SORCS3: variants seen among roughly 807,000 people sequenced by gnomAD.
The protein encoded by SORCS3 is sortilin related VPS10 domain containing receptor 3, also known as VPS10 domain-containing receptor SorCS3.
SORCS3 carries 57 observed loss-of-function variants against 146.3 expected under a neutral mutation model. The ratio of observed to expected loss-of-function variants is 0.39; its 90% CI spans 0.31 to 0.49. SORCS3 has a LOEUF of 0.49. Among genes scored for constraint, SORCS3 ranks in the 20% least tolerant of loss-of-function variants. The pLI is 0.92. For missense variants in SORCS3, 1,341 were observed against 1,575.5 expected, an observed-to-expected ratio of 0.85 and a Z score of 2.52; for synonymous variants, 653 against 618.5, an observed-to-expected ratio of 1.06 and a Z score of -0.83.
At chr10:104,897,944 A>C (rs533396356) in intron 2 of SORCS3, among the ~76,000 whole-genome samples, 1 of 152,294 alleles carries the variant, frequency 6.6e-6, no homozygotes, top group South Asian at 2.1e-4. Flanking sequence ...CATTCATTCT[A>C]GTGGAGGTGG....
At chr10:104,648,442 T>C (rs1411971711) in intron 1 of SORCS3, among the ~76,000 whole-genome samples, 2 of 152,164 alleles carry the variant, frequency 1.3e-5, no homozygotes, top group African/African-American at 2.4e-5. Flanking sequence ...ATTTTATAGG[T>C]AGGATAGATT....
intron 14 of SORCS3, among the ~76,000 whole-genome samples, chr10:105,196,082 A>G (rs2056542479): frequency 6.6e-6 from 1 of 152,194 alleles, no homozygotes; most frequent in East Asian, 1.9e-4. Context: ...CTGAGCACCT[A>G]TTCTTGTGTT....
intron 1 of SORCS3, among the ~76,000 whole-genome samples, chr10:104,819,144 A>G (rs576028955): frequency 2.0e-5 from 3 of 152,090 alleles, no homozygotes; most frequent in African/African-American, 7.2e-5. Flanking sequence ...TCTCAATGTC[A>G]CTTGAGAACT....
At chr10:104,923,860 G>A (rs777609225) in intron 3 of SORCS3, among the ~76,000 whole-genome samples, 4 of 152,192 alleles carry the variant, frequency 2.6e-5, no homozygotes, top group Non-Finnish European at 5.9e-5. Context: ...AAGGCAACAA[G>A]TGTCTATGAT....
intron 1 of SORCS3, among the ~76,000 whole-genome samples, chr10:104,673,434 G>T (rs551608205): frequency 6.6e-6 from 1 of 151,954 alleles, no homozygotes; most frequent in East Asian, 1.9e-4. Flanking sequence ...GTGTGTGTGT[G>T]TGTGTGTGTG....
At chr10:105,101,710 G>A (rs528076094) in intron 6 of SORCS3, among the ~76,000 whole-genome samples, 1 of 152,250 alleles carries the variant, frequency 6.6e-6, no homozygotes, top group East Asian at 1.9e-4. Flanking sequence ...GTGTCCAAAT[G>A]AGAGAGTGAA....
chr10:105,164,233 C>T (rs375258566), intron 11 of SORCS3, 70 bp from the exon 12 acceptor site: 8 of 1,136,016 alleles, frequency 7.0e-6, no homozygotes, highest in East Asian at 2.4e-5. Context: ...TCTGCTCCCC[C>T]ATCCCTCAGC....
At chr10:104,809,985 A>G (rs2017723128) in intron 1 of SORCS3, among the ~76,000 whole-genome samples, 1 of 152,140 alleles carries the variant, frequency 6.6e-6, no homozygotes, top group Admixed American at 6.5e-5. Flanking sequence ...TGCTTCCTGG[A>G]GCTTTGCATG....
intron 20 of SORCS3, among the ~76,000 whole-genome samples, chr10:105,229,917 G>A (rs1161417111): frequency 1.3e-5 from 2 of 152,192 alleles, no homozygotes; most frequent in African/African-American, 4.8e-5. Flanking sequence ...GTGTGGTGTA[G>A]GTGATAGTAG....
intron 1 of SORCS3, among the ~76,000 whole-genome samples, chr10:104,742,076 C>T (rs1364167310): frequency 6.6e-6 from 1 of 151,734 alleles, no homozygotes; most frequent in East Asian, 1.9e-4. Context: ...TCTGTTTTAG[C>T]AGGCTTTCTC....
chr10:104,917,178 C>A (rs1186187083), intron 3 of SORCS3, among the ~76,000 whole-genome samples: 1 of 152,210 alleles, frequency 6.6e-6, no homozygotes, highest in East Asian at 1.9e-4. Flanking sequence ...CTTTGATCAT[C>A]AGGCTGGCTG....
intron 5 of SORCS3, among the ~76,000 whole-genome samples, chr10:105,055,161 C>A (rs1198478868): frequency 1.3e-5 from 2 of 152,010 alleles, no homozygotes; most frequent in Admixed American, 6.6e-5. Context: ...AATGTTATTC[C>A]TATGAATGTT....
chr10:104,891,745 A>T (rs758863914), intron 2 of SORCS3, among the ~76,000 whole-genome samples: 2 of 152,138 alleles, frequency 1.3e-5, no homozygotes, highest in Non-Finnish European at 2.9e-5. Flanking sequence ...TTTATATCTG[A>T]TAAAACTGAG....
chr10:104,891,579 C>G (rs570468979), intron 2 of SORCS3, among the ~76,000 whole-genome samples: 3 of 152,168 alleles, frequency 2.0e-5, no homozygotes, highest in African/African-American at 7.2e-5. Flanking sequence ...TGTTTACTGT[C>G]TCTTAGGGAT....
chr10:104,972,922 C>T (rs1022401076), intron 3 of SORCS3, among the ~76,000 whole-genome samples: 1 of 152,070 alleles, frequency 6.6e-6, no homozygotes, highest in African/African-American at 2.4e-5. Context: ...TGAATTTTGT[C>T]AAAGGCCTTT....
intron 3 of SORCS3, among the ~76,000 whole-genome samples, chr10:104,968,465 CT>C (rs1258945406): frequency 6.6e-6 from 1 of 152,130 alleles, no homozygotes; most frequent in Non-Finnish European, 1.5e-5. Context: ...GGAGCCTGGC[CT>C]AAAGACATCT....
At chr10:104,705,154 GA>G (rs1175013619) in intron 1 of SORCS3, among the ~76,000 whole-genome samples, 1 of 151,264 alleles carries the variant, frequency 6.6e-6, no homozygotes, top group African/African-American at 2.4e-5. Flanking sequence ...TAATGCCCTG[GA>G]CATATTATTT....
chr10:104,694,741 C>G (rs1338104010), intron 1 of SORCS3, among the ~76,000 whole-genome samples: 3 of 152,132 alleles, frequency 2.0e-5, no homozygotes, highest in African/African-American at 4.8e-5. Context: ...AGGAGTTTGT[C>G]CTTCAGATAC....
intron 7 of SORCS3, among the ~76,000 whole-genome samples, chr10:105,124,551 CT>C (rs1315573570): frequency 6.6e-6 from 1 of 152,132 alleles, no homozygotes; most frequent in Non-Finnish European, 1.5e-5. Flanking sequence ...ATACCAACTG[CT>C]ATTAGATTTG....
Sources: allele counts gnomAD v4.1 joint callset (sites outside exome capture counted in the v4.1 genomes callset), GRCh38; gene constraint gnomAD v4.1.1; transcripts MANE v1.5; gene names NCBI Gene and HGNC (gene_info 2026-07-23, HGNC 2026-07-21).